The following NIPBL variants were observed in gnomAD, a reference collection of about 807,000 sequenced individuals.
NIPBL encodes NIPBL cohesin loading factor, also known as nipped-B-like protein.
A neutral mutation model predicts 321.8 loss-of-function variants in NIPBL; 19 were observed. That is an observed-to-expected ratio of 0.06 (90% CI 0.04 to 0.09). NIPBL has a LOEUF of 0.09. Ranked by LOEUF, NIPBL falls within the 10% of genes least tolerant of loss-of-function variation. The pLI, the probability that NIPBL is intolerant of heterozygous loss-of-function variation, is 1.00. For missense variants in NIPBL, 2,210 were observed against 3,327.0 expected (o/e 0.66, Z 8.26); for synonymous variants, 1,106 against 1,114.1 (o/e 0.99, Z 0.14).
At chr5:36,890,192 T>C (rs1746212959) in intron 1 of NIPBL, among the ~76,000 whole-genome samples, 1 of 152,182 alleles carries the variant, frequency 6.6e-6, no homozygotes, top group South Asian at 2.1e-4. Context: ...TGCATACTTT[T>C]TGCTTTTACT....
Position 37,007,329 on chromosome 5 carries a change from T to C in NIPBL, c.4094T>C (p.Leu1365Ser). ...VYRLDPHGGGLLSSKAKRAKC... is the reference protein window; with the variant it reads ...VYRLDPHGGGSLSSKAKRAKC... ...TGAATTTGTTTCATTTTAGGAGGCTTATTAAGTTCAAAAGCAAAACGGGCT... is the reference window on the plus strand; with the variant it reads ...TGAATTTGTTTCATTTTAGGAGGCTCATTAAGTTCAAAAGCAAAACGGGCT... The change falls in exon 18 of 47, where the codon TTA becomes TCA. Residue 1365 changes from leucine to serine, a missense_variant. Coordinates refer to ENST00000282516, the MANE Select transcript of NIPBL (RefSeq NM_133433.4). 6.2e-7 allele frequency: 1 copy of C among 1,611,568 alleles called. No individual in the cohort carries two copies.
At chr5:36,964,700 G>A (rs1360121602) in intron 6 of NIPBL, among the ~76,000 whole-genome samples, 2 of 152,082 alleles carry the variant, frequency 1.3e-5, no homozygotes, top group African/African-American at 2.4e-5. Context: ...AAGCTAAAAA[G>A]CTTCTGTACA....
chr5:37,063,677 G>T, intron 45 of NIPBL, 113 bp from the exon 46 acceptor site: 1 of 1,009,480 alleles, frequency 9.9e-7, no homozygotes. Flanking sequence ...TTAGATGATG[G>T]CTAACGTCTG....
At chr5:36,961,831 T>C (rs570871395) in intron 5 of NIPBL, among the ~76,000 whole-genome samples, 1 of 152,304 alleles carries the variant, frequency 6.6e-6, no homozygotes, top group South Asian at 2.1e-4. Context: ...ATAACTAATG[T>C]GTTTGAGATA....
At chr5:36,943,915 T>C (rs1739381438) in intron 1 of NIPBL, among the ~76,000 whole-genome samples, 1 of 152,156 alleles carries the variant, frequency 6.6e-6, no homozygotes, top group Non-Finnish European at 1.5e-5. Flanking sequence ...GCTTGCCCAC[T>C]GAATCTAGCA....
chr5:37,037,807 ATT>A (rs1403516039), intron 33 of NIPBL, among the ~76,000 whole-genome samples: 2 of 151,812 alleles, frequency 1.3e-5, no homozygotes, highest in Non-Finnish European at 2.9e-5. Context: ...GATTAGCAAC[ATT>A]TTCTTCCCAC....
At chr5:36,964,886 C>G (rs1049058851) in intron 6 of NIPBL, among the ~76,000 whole-genome samples, 5 of 152,138 alleles carry the variant, frequency 3.3e-5, no homozygotes, top group Non-Finnish European at 7.4e-5. Flanking sequence ...AGTAGACATT[C>G]TCAAATGAAG....
chr5:36,932,778 G>C (rs1310604485), intron 1 of NIPBL, among the ~76,000 whole-genome samples: 1 of 69,866 alleles, frequency 1.4e-5, no homozygotes, highest in Non-Finnish European at 2.6e-5. Flanking sequence ...TTCCTCTGCT[G>C]TTTTTTTTTT....
chr5:37,007,212 T>C (rs1223683496), intron 17 of NIPBL, 111 bp from the exon 18 acceptor site: 2 of 868,188 alleles, frequency 2.3e-6, no homozygotes, highest in African/African-American at 1.7e-5. Flanking sequence ...ATCTTCCAGG[T>C]TCTGTAGCTA....
intron 1 of NIPBL, among the ~76,000 whole-genome samples, chr5:36,920,902 T>C (rs962884026): frequency 4.6e-5 from 7 of 152,032 alleles, no homozygotes; most frequent in Admixed American, 2.0e-4. Context: ...GTTGTCACTT[T>C]CTTCTACATT....
intron 1 of NIPBL, among the ~76,000 whole-genome samples, chr5:36,878,469 GA>G (rs1460444196): frequency 6.6e-6 from 1 of 152,196 alleles, no homozygotes; most frequent in Non-Finnish European, 1.5e-5. Flanking sequence ...CAAATTGCTA[GA>G]AAAGTGTACC....
intron 42 of NIPBL, among the ~76,000 whole-genome samples, chr5:37,053,651 G>A (rs1370793891): frequency 6.6e-6 from 1 of 152,094 alleles, no homozygotes; most frequent in Non-Finnish European, 1.5e-5. Flanking sequence ...CAGCAATTGG[G>A]GAGATTACCA....
intron 16 of NIPBL, among the ~76,000 whole-genome samples, 190 bp from the exon 17 acceptor site, chr5:37,006,166 GT>G (rs1052519431): frequency 2.9e-4 from 44 of 152,124 alleles, no homozygotes; most frequent in African/African-American, 9.6e-4. Context: ...AGTATATCAC[GT>G]TTGAAAACAT....
chr5:36,907,164 A>G (rs1233269721), intron 1 of NIPBL, among the ~76,000 whole-genome samples: 1 of 152,200 alleles, frequency 6.6e-6, no homozygotes. Flanking sequence ...AGGGTTTGAG[A>G]GTCTGCATTT....
At chr5:36,972,775 T>C (rs1274287796) in intron 8 of NIPBL, among the ~76,000 whole-genome samples, 4 of 151,674 alleles carry the variant, frequency 2.6e-5, no homozygotes, top group Non-Finnish European at 5.9e-5. Flanking sequence ...ATAAAGCCTC[T>C]TTTCAACTAT....
chr5:37,044,337 A>C lies in NIPBL; in HGVS notation c.6109-10A>C. On this transcript the variant is annotated splice_polypyrimidine_tract_variant and intron_variant, in intron 34 of 46. Coordinates refer to ENST00000282516, the MANE Select transcript of NIPBL (RefSeq NM_133433.4). Reference sequence around the variant, plus strand: ...TGGATATTCATAAAGCATTAATTTTATTCTTATAGACGCAAAATGATTTCA... The same window carrying C: ...TGGATATTCATAAAGCATTAATTTTCTTCTTATAGACGCAAAATGATTTCA... 1 of 1,611,950 alleles carries C rather than the reference A, an allele frequency of 6.2e-7. No individual in the cohort carries two copies. The highest frequency in any genetic ancestry group is 8.5e-7 in the Non-Finnish European group (1 of 1,178,398).
intron 42 of NIPBL, among the ~76,000 whole-genome samples, chr5:37,055,521 T>G (rs116259351): frequency 2.8e-4 from 43 of 151,492 alleles, no homozygotes; most frequent in Non-Finnish European, 5.6e-4. Context: ...TGCAAAGGAG[T>G]TGGCTTGAGG....
chr5:37,018,958 C>T (rs1749310971), intron 24 of NIPBL, among the ~76,000 whole-genome samples: 1 of 151,904 alleles, frequency 6.6e-6, no homozygotes, highest in Non-Finnish European at 1.5e-5. Context: ...CAAAAATTAG[C>T]CAGGCATGGT....
At chr5:37,051,650 A>T (rs1753557959) in intron 40 of NIPBL, 129 bp from the exon 41 acceptor site, 2 of 685,998 alleles carry the variant, frequency 2.9e-6, no homozygotes, top group South Asian at 3.5e-5. Flanking sequence ...GAACACTAAA[A>T]CATAGACTTT....
Sources: gnomAD v4.1 joint callset for allele counts (sites outside exome capture counted in the v4.1 genomes callset) on GRCh38, gnomAD v4.1.1 for gene constraint, MANE v1.5 for transcripts, NCBI Gene and HGNC (gene_info 2026-07-23, HGNC 2026-07-21) for gene names.